The following LSAMP variants were observed in gnomAD, a reference collection of about 807,000 sequenced individuals.
The protein encoded by LSAMP is limbic system-associated membrane protein.
Under a neutral mutation model 38.6 loss-of-function variants are expected in LSAMP, and 7 were observed. The observed-to-expected ratio is 0.18, with a 90% CI of 0.10 to 0.34. The LOEUF is 0.34. Ranked by LOEUF, LSAMP falls within the 10% of genes least tolerant of loss-of-function variation. LSAMP has a pLI of 1.00. For missense variants in LSAMP, 313 were observed against 420.0 expected (o/e 0.75, Z 2.23); for synonymous variants, 154 against 166.8 (o/e 0.92, Z 0.59).
intron 1 of LSAMP, among the ~76,000 whole-genome samples, chr3:116,235,492 A>G (rs1308655517): frequency 6.6e-6 from 1 of 152,126 alleles, no homozygotes; most frequent in Admixed American, 6.6e-5. Flanking sequence ...AGGGAAGGAG[A>G]GAGGAAGAGA....
chr3:115,873,923 G>A, intron 3 of LSAMP, among the ~76,000 whole-genome samples: 1 of 152,028 alleles, frequency 6.6e-6, no homozygotes, highest in Non-Finnish European at 1.5e-5. Flanking sequence ...TTCCACGTAG[G>A]AATCAGTCTA....
intron 1 of LSAMP, among the ~76,000 whole-genome samples, chr3:116,325,036 C>T (rs1480943030): frequency 6.6e-6 from 1 of 151,422 alleles, no homozygotes; most frequent in Non-Finnish European, 1.5e-5. Flanking sequence ...GCTTCTTGGC[C>T]ATATCTAGAA....
At chr3:116,310,430 G>C (rs1407841879) in intron 1 of LSAMP, among the ~76,000 whole-genome samples, 1 of 152,140 alleles carries the variant, frequency 6.6e-6, no homozygotes, top group Non-Finnish European at 1.5e-5. Flanking sequence ...TCTCAATTTG[G>C]TGTATGAGTG....
chr3:116,392,629 C>A (rs190365740), intron 1 of LSAMP, among the ~76,000 whole-genome samples: 35 of 152,334 alleles, frequency 2.3e-4, no homozygotes, highest in Admixed American at 2.2e-3. Context: ...AGGTGGGTCC[C>A]TGGTGAAGCT....
chr3:115,874,775 A>G (rs1936138890), intron 3 of LSAMP, among the ~76,000 whole-genome samples: 2 of 152,086 alleles, frequency 1.3e-5, no homozygotes, highest in African/African-American at 4.8e-5. Context: ...CGAGTGAAAG[A>G]GTGGATAAAA....
At chr3:116,258,745 C>G (rs1465658048) in intron 1 of LSAMP, among the ~76,000 whole-genome samples, 2 of 152,080 alleles carry the variant, frequency 1.3e-5, no homozygotes, top group Non-Finnish European at 2.9e-5. Flanking sequence ...ACTTGCCTGA[C>G]AGTAAAATAG....
rs550120757 is a variant in LSAMP, at chr3:116,188,690, G to A, written c.156-102134C>T. On this transcript the variant is annotated intron_variant, in intron 1 of 6. Transcript: ENST00000490035. ...CGGGATAAGAATAACAAAACAAAGT[G>A]ATGCGTTTATTTGCTCACTTAACAT... Among the ~76,000 whole-genome samples the A allele has an allele frequency of 7.9e-5, 12 of 152,298 alleles. No individual in the cohort carries two copies. The South Asian group carries it at 2.3e-3, about 29-fold the overall frequency.
At chr3:116,157,123 C>T (rs912232537) in intron 1 of LSAMP, among the ~76,000 whole-genome samples, 3 of 151,978 alleles carry the variant, frequency 2.0e-5, no homozygotes, top group African/African-American at 7.2e-5. Flanking sequence ...GGCCCAGACC[C>T]AAGTACCAGG....
At chr3:116,345,589 T>A (rs2048054274) in intron 1 of LSAMP, among the ~76,000 whole-genome samples, 1 of 152,196 alleles carries the variant, frequency 6.6e-6, no homozygotes, top group Non-Finnish European at 1.5e-5. Flanking sequence ...AAACTGTTCA[T>A]AATTTCATTG....
Position 115,802,995 on chromosome 3 carries a change from G to A in LSAMP, c.*7322C>T, listed in dbSNP as rs926486826. The A allele has an allele frequency of 2.6e-5, 4 of 152,126 alleles. No individual in the cohort carries two copies. The highest frequency in any genetic ancestry group is 9.7e-5 in the African/African-American group (4 of 41,408). The allele number at this position is 152,126 out of a possible 1,614,324, so 9.4% of individuals were successfully genotyped here. Reference sequence around the variant, plus strand: ...TGAAGAGCAAAGACTTAGGGAAGTGGGTTCAAAAGAGGCTCCTGGTAGCTT... The same window carrying A: ...TGAAGAGCAAAGACTTAGGGAAGTGAGTTCAAAAGAGGCTCCTGGTAGCTT... On this transcript the variant is annotated 3_prime_UTR_variant, in exon 7 of 7. Transcript: ENST00000490035.
intron 6 of LSAMP, among the ~76,000 whole-genome samples, chr3:115,820,408 G>C (rs1028264344): frequency 2.6e-5 from 4 of 152,212 alleles, no homozygotes; most frequent in Non-Finnish European, 5.9e-5. Flanking sequence ...TTCTAGTATA[G>C]AGAATGTACT....
chr3:116,056,486 A>ATATGTCATAATGGTACTTAT, intron 2 of LSAMP, among the ~76,000 whole-genome samples: 1 of 152,270 alleles, frequency 6.6e-6, no homozygotes, highest in South Asian at 2.1e-4. Context: ...AGTAACCCAG[A>ATATGTCATAATGGTACTTAT]TATGTCATAA....
intron 1 of LSAMP, among the ~76,000 whole-genome samples, chr3:116,333,579 G>A (rs1233869238): frequency 6.8e-6 from 1 of 147,186 alleles, no homozygotes; most frequent in South Asian, 2.2e-4. Context: ...TTTTCTCAAC[G>A]AAATAGATTG....
Position 116,267,043 on chromosome 3 carries a change from G to A in LSAMP, c.155+177834C>T, listed in dbSNP as rs552899752. 7.9e-5 allele frequency among the ~76,000 whole-genome samples: 12 copies of A among 152,226 alleles called. 1 individual carries two copies. The South Asian group carries it at 2.5e-3, about 32-fold the overall frequency. ...GGGCAATGTGATAAGATCAATGCAG[G>A]TATTTCTAACTACTATCCCAAAGCA... On this transcript the variant is annotated intron_variant, in intron 1 of 6. Coordinates refer to ENST00000490035, the MANE Select transcript of LSAMP (RefSeq NM_002338.5).
chr3:115,950,057 C>A (rs1174208671), intron 3 of LSAMP, among the ~76,000 whole-genome samples: 1 of 152,028 alleles, frequency 6.6e-6, no homozygotes, highest in African/African-American at 2.4e-5. Flanking sequence ...AAACCCTCAG[C>A]AAAATTGCCA....
At chr3:116,305,649 TTTC>T (rs946090847) in intron 1 of LSAMP, among the ~76,000 whole-genome samples, 5 of 151,958 alleles carry the variant, frequency 3.3e-5, no homozygotes, top group Admixed American at 6.6e-5. Context: ...CACAAAAAAA[TTTC>T]TTAATTCTAC....
intron 1 of LSAMP, among the ~76,000 whole-genome samples, chr3:116,384,932 A>G (rs529150019): frequency 5.3e-5 from 8 of 149,986 alleles, no homozygotes; most frequent in African/African-American, 2.0e-4. Context: ...TGTCAAAACA[A>G]CACCGACTAG....
rs373055413 is a variant in LSAMP at position 116,108,144 on chromosome 3, A to G, written c.156-21588T>C. ...ATCGGTCGCCAAGGAGGGAGTAGAG[A>G]TATCTTATACTTATGGATTAAGGTG... On this transcript the variant is annotated intron_variant, in intron 1 of 6. Coordinates refer to ENST00000490035, the MANE Select transcript of LSAMP (RefSeq NM_002338.5). 4.1e-3 allele frequency among the ~76,000 whole-genome samples: 620 copies of G among 152,100 alleles called. 4 individuals carry two copies. Among genetic ancestry groups the G allele is most frequent in the African/African-American group, 0.012 (515 of 41,472 alleles).
intron 1 of LSAMP, among the ~76,000 whole-genome samples, chr3:116,210,739 T>C (rs1462843552): frequency 6.6e-6 from 1 of 152,146 alleles, no homozygotes; most frequent in Non-Finnish European, 1.5e-5. Context: ...GATGATGATA[T>C]GGAAACATAA....
Sources: gnomAD v4.1 joint callset for allele counts (sites outside exome capture counted in the v4.1 genomes callset) on GRCh38, gnomAD v4.1.1 for gene constraint, MANE v1.5 for transcripts, NCBI Gene and HGNC (gene_info 2026-07-23, HGNC 2026-07-21) for gene names.